Variants in KIF21A observed in about 807,000 individuals in gnomAD.
The protein encoded by KIF21A is kinesin family member 21A, also known as kinesin-like protein KIF21A.
Under a neutral mutation model 202.9 loss-of-function variants are expected in KIF21A, and 114 were observed. That is an observed-to-expected ratio of 0.56 (90% CI 0.48 to 0.66). KIF21A has a LOEUF of 0.66. Among genes scored for constraint, KIF21A ranks in the 30% least tolerant of loss-of-function variants. The pLI is 0.00. For synonymous variants in KIF21A, 667 were observed against 670.8 expected (o/e 0.99, Z 0.09); for missense variants, 1,677 against 1,994.9 (o/e 0.84, Z 3.04).
intron 5 of KIF21A, among the ~76,000 whole-genome samples, 153 bp downstream of exon 5, chr12:39,366,877 T>C (rs961248058): frequency 3.9e-5 from 6 of 152,330 alleles, no homozygotes; most frequent in Admixed American, 2.0e-4. Context: ...CTTACATGGC[T>C]GACCAGCTTC....
intron 1 of KIF21A, among the ~76,000 whole-genome samples, chr12:39,390,183 A>G (rs1209950422): frequency 6.6e-6 from 1 of 152,202 alleles, no homozygotes; most frequent in Non-Finnish European, 1.5e-5. Flanking sequence ...GAAACTATTC[A>G]AAATGGCAAC....
intron 17 of KIF21A, among the ~76,000 whole-genome samples, chr12:39,336,140 A>G (rs765597363): frequency 6.6e-5 from 10 of 152,234 alleles, no homozygotes; most frequent in Admixed American, 3.9e-4. Context: ...ACTAGTCTAG[A>G]ACTCCTGGGC....
chr12:39,324,228 T>C (rs1349710952), intron 26 of KIF21A, among the ~76,000 whole-genome samples: 1 of 152,196 alleles, frequency 6.6e-6, no homozygotes, highest in East Asian at 1.9e-4. Flanking sequence ...TTTTTTATAC[T>C]CTTAATTCTC....
At chr12:39,342,583 G>T (rs1947533717) in intron 12 of KIF21A, among the ~76,000 whole-genome samples, 1 of 152,120 alleles carries the variant, frequency 6.6e-6, no homozygotes, top group South Asian at 2.1e-4. Flanking sequence ...TAAAGTTCCA[G>T]TTTAAATCTG....
intron 37 of KIF21A, among the ~76,000 whole-genome samples, chr12:39,297,029 G>A (rs1942444298): frequency 6.6e-6 from 1 of 152,152 alleles, no homozygotes; most frequent in Non-Finnish European, 1.5e-5. Context: ...TAGAGGATGT[G>A]GTAAGAAGTG....
chr12:39,303,223 A>C, intron 35 of KIF21A, 88 bp from the exon 36 acceptor site: 13 of 1,067,196 alleles, frequency 1.2e-5, no homozygotes, highest in Non-Finnish European at 1.6e-5. Context: ...ATACACATGT[A>C]TGTTAATCAG....
intron 37 of KIF21A, among the ~76,000 whole-genome samples, chr12:39,299,507 G>A (rs918623947): frequency 6.6e-6 from 1 of 152,160 alleles, no homozygotes; most frequent in African/African-American, 2.4e-5. Flanking sequence ...GTTAGTAGGA[G>A]TGTAAATCAG....
chr12:39,313,604 G>A (rs1944239683), intron 31 of KIF21A, among the ~76,000 whole-genome samples: 1 of 151,768 alleles, frequency 6.6e-6, no homozygotes, highest in Non-Finnish European at 1.5e-5. Context: ...AAGATCTTTG[G>A]TATCTAGTCA....
Position 39,322,852 on chromosome 12 carries a change from AT to A in KIF21A, c.3486del (p.Glu1162AspfsTer10). 6.2e-7 allele frequency: 1 copy of A among 1,610,318 alleles called. No homozygotes were observed. Among genetic ancestry groups the A allele is most frequent in the Non-Finnish European group, 8.5e-7 (1 of 1,177,634 alleles). On this transcript the variant is annotated frameshift_variant, in exon 27 of 38. Transcript: ENST00000361418. LOFTEE classifies it high-confidence loss of function. ...AGTTCACTGCTATCTGCATACAGCA[AT>A]TCCATCTGAGTGGTGGTTCTCCTTC... ...KARRRTTTQM[E>X]LLYADSSELA... is the part of the protein sequence containing the mutation.
At chr12:39,385,971 T>G (rs963779001) in intron 1 of KIF21A, among the ~76,000 whole-genome samples, 2 of 152,306 alleles carry the variant, frequency 1.3e-5, no homozygotes, top group Admixed American at 1.3e-4. Context: ...ACCCAATAAT[T>G]AATTTTCAGT....
chr12:39,426,509 T>C (rs913548152), intron 1 of KIF21A, among the ~76,000 whole-genome samples: 2 of 152,138 alleles, frequency 1.3e-5, no homozygotes, highest in Non-Finnish European at 1.5e-5. Flanking sequence ...AAGGAGGCTA[T>C]GTCAAAGATA....
intron 24 of KIF21A, among the ~76,000 whole-genome samples, chr12:39,326,798 A>G (rs926371766): frequency 3.3e-5 from 5 of 152,110 alleles, no homozygotes; most frequent in African/African-American, 1.2e-4. Flanking sequence ...TCCTTTTTTA[A>G]TTTTTGTATT....
intron 1 of KIF21A, among the ~76,000 whole-genome samples, chr12:39,398,126 A>G (rs1424231069): frequency 6.6e-6 from 1 of 152,234 alleles, no homozygotes; most frequent in Non-Finnish European, 1.5e-5. Context: ...TGGTACAACA[A>G]TGTTGTATAC....
intron 11 of KIF21A, among the ~76,000 whole-genome samples, chr12:39,351,525 T>C (rs917729526): frequency 2.0e-5 from 3 of 151,998 alleles, no homozygotes; most frequent in East Asian, 3.9e-4. Context: ...AATAAAATAA[T>C]TTATAATAGT....
In KIF21A at chr12:39,322,580, A is replaced by G. The variant is rs1415865427; in HGVS notation, c.3671+88T>C. On this transcript the variant is annotated intron_variant, in intron 27 of 37. Transcript: ENST00000361418. ...CAGAGATCAAATTTATATAAATTTT[A>G]AATAATAGAAATAAGAAATTAGCAA... 2.2e-5 allele frequency: 21 copies of G among 949,040 alleles called. 1 individual carries two copies. The Admixed American group carries it at 5.1e-4, about 23-fold the overall frequency. The allele number at this position is 949,040 out of a possible 1,614,324, so 58.8% of individuals were successfully genotyped here.
chr12:39,402,270 T>G (rs1952224705), intron 1 of KIF21A, among the ~76,000 whole-genome samples: 1 of 152,134 alleles, frequency 6.6e-6, no homozygotes, highest in South Asian at 2.1e-4. Context: ...CACCACAACT[T>G]GGGTAGAACA....
At chr12:39,315,133 G>A in intron 31 of KIF21A, 96 bp downstream of exon 31, 2 of 1,150,144 alleles carry the variant, frequency 1.7e-6, no homozygotes, top group Non-Finnish European at 2.6e-6. Context: ...ATCTGAAGGA[G>A]AGAAAAAAAT....
intron 14 of KIF21A, 94 bp downstream of exon 14, chr12:39,341,411 A>G (rs1947431413): frequency 7.9e-7 from 1 of 1,258,196 alleles, no homozygotes; most frequent in African/African-American, 1.5e-5. Flanking sequence ...AGTTTCTTTC[A>G]TCAAGTATGA....
At chr12:39,300,267 A>C (rs1205639577) in intron 37 of KIF21A, among the ~76,000 whole-genome samples, 1 of 152,178 alleles carries the variant, frequency 6.6e-6, no homozygotes, top group Non-Finnish European at 1.5e-5. Context: ...ATATCCAGTA[A>C]ATTTTCAAGG....
Sources: allele counts gnomAD v4.1 joint callset (sites outside exome capture counted in the v4.1 genomes callset), GRCh38; gene constraint gnomAD v4.1.1; transcripts MANE v1.5; gene names NCBI Gene and HGNC (gene_info 2026-07-23, HGNC 2026-07-21).